MINDY2: variants seen among roughly 807,000 people sequenced by gnomAD.
MINDY2 encodes the protein ubiquitin carboxyl-terminal hydrolase MINDY-2.
A neutral mutation model predicts 68.2 loss-of-function variants in MINDY2; 52 were observed. That is an observed-to-expected ratio of 0.76 (90% confidence interval 0.61 to 0.96). The LOEUF (loss-of-function observed/expected upper bound fraction) is 0.96. Ranked by LOEUF, MINDY2 falls within the 40% of genes least tolerant of loss-of-function variation. The pLI, the probability that MINDY2 is intolerant of heterozygous loss-of-function variation, is 0.00. For missense variants in MINDY2, 881 were observed against 773.4 expected (o/e 1.14, Z -1.65); for synonymous variants, 372 against 303.0 (o/e 1.23, Z -2.36).
At chr15:58,787,885 A>G in intron 1 of MINDY2, 21 bp from the exon 2 acceptor site, 1 of 1,539,690 alleles carries the variant, frequency 6.5e-7, no homozygotes, top group Non-Finnish European at 8.8e-7. Flanking sequence ...AATTTTATAG[A>G]AATAATATTT....
chr15:58,787,312 T>C (rs999537231), intron 1 of MINDY2, among the ~76,000 whole-genome samples: 2 of 152,018 alleles, frequency 1.3e-5, no homozygotes, highest in African/African-American at 2.4e-5. Context: ...TACTTCTTAA[T>C]AGTTTTATCT....
intron 2 of MINDY2, 49 bp from the exon 3 acceptor site, chr15:58,802,264 A>T: frequency 7.9e-7 from 1 of 1,259,530 alleles, no homozygotes; most frequent in East Asian, 2.4e-5. Context: ...GTAATCAGAA[A>T]AACAAGTTTT....
chr15:58,787,980 G>A lies in MINDY2; in HGVS notation c.898+17G>A. On this transcript the variant is annotated intron_variant, in intron 2 of 8. Coordinates refer to ENST00000559228, the MANE Select transcript of MINDY2 (RefSeq NM_001040450.3). ...AATATTTAGGTTAGTGTTGAAAAGT[G>A]GATTTTATATCTCTTTCAAAACAAA... 5.8e-6 allele frequency: 9 copies of A among 1,551,878 alleles called. No individual in the cohort carries two copies. The highest frequency in any genetic ancestry group is 7.8e-6 in the Non-Finnish European group (9 of 1,147,820).
intron 3 of MINDY2, among the ~76,000 whole-genome samples, chr15:58,806,420 C>G (rs1428573689): frequency 1.4e-5 from 2 of 145,314 alleles, no homozygotes; most frequent in Non-Finnish European, 3.0e-5. Context: ...TGCCGTGGTG[C>G]TATCGTGGCT....
chr15:58,813,131 T>G (rs2030414669), intron 4 of MINDY2, among the ~76,000 whole-genome samples: 1 of 152,240 alleles, frequency 6.6e-6, no homozygotes, highest in African/African-American at 2.4e-5. Context: ...ATCAGTAGTT[T>G]GCTCCTGTTC....
At chr15:58,794,885 T>C (rs1017131367) in intron 2 of MINDY2, among the ~76,000 whole-genome samples, 1 of 152,032 alleles carries the variant, frequency 6.6e-6, no homozygotes, top group Non-Finnish European at 1.5e-5. Flanking sequence ...ATAAAAATGG[T>C]ATTTAAATCT....
At position 58,858,586 on chromosome 15, in the gene MINDY2, G is replaced by A. The variant is rs1179456520; in HGVS notation, c.*3976G>A. ...TCTAAAATCTTGGAGAAAAATCAAG[G>A]CAAGAATTTCCAGAACTGTCCTCAA... is the stretch of plus-strand genomic sequence containing the variant. On this transcript the variant is annotated 3_prime_UTR_variant, in exon 9 of 9. Transcript: ENST00000559228. 2 of 152,062 alleles carry A rather than the reference G, an allele frequency of 1.3e-5. No individual in the cohort carries two copies. Among genetic ancestry groups the A allele is most frequent in the African/African-American group, 4.8e-5 (2 of 41,422 alleles). The allele number at this position is 152,062 out of a possible 1,614,324, so 9.4% of individuals were successfully genotyped here.
chr15:58,849,059 G>T (rs2032683363), intron 7 of MINDY2, among the ~76,000 whole-genome samples: 1 of 151,828 alleles, frequency 6.6e-6, no homozygotes, highest in Non-Finnish European at 1.5e-5. Context: ...AACATACAAA[G>T]ATTAGCCAGG....
chr15:58,845,374 C>G (rs1262344408), intron 6 of MINDY2, among the ~76,000 whole-genome samples: 1 of 152,152 alleles, frequency 6.6e-6, no homozygotes, highest in African/African-American at 2.4e-5. Context: ...CCACTGAACT[C>G]CAGCCTGGGC....
rs1467656858 is a variant in MINDY2 at position 58,857,449 on chromosome 15, G to T, written c.*2839G>T. Reference sequence around the variant, plus strand: ...CTTGGGAGGCTGAGGCAGGAGAATCGCTTGAACCCAGGAGGCAGTGATTGC... The same window carrying T: ...CTTGGGAGGCTGAGGCAGGAGAATCTCTTGAACCCAGGAGGCAGTGATTGC... On this transcript the variant is annotated 3_prime_UTR_variant, in exon 9 of 9. Transcript: ENST00000559228. 2 of 144,082 alleles carry T rather than the reference G, an allele frequency of 1.4e-5. No homozygotes were observed. The highest frequency in any genetic ancestry group is 3.0e-5 in the Non-Finnish European group (2 of 66,940). The allele number at this position is 144,082 out of a possible 1,614,324, so 8.9% of individuals were successfully genotyped here.
At chr15:58,792,804 A>G (rs966208796) in intron 2 of MINDY2, among the ~76,000 whole-genome samples, 14 of 152,220 alleles carry the variant, frequency 9.2e-5, no homozygotes, top group African/African-American at 3.4e-4. Flanking sequence ...TGAAAGAGGC[A>G]AAGTACAAAA....
chr15:58,797,229 A>G (rs970190759), intron 2 of MINDY2, among the ~76,000 whole-genome samples: 1 of 152,200 alleles, frequency 6.6e-6, no homozygotes, highest in East Asian at 1.9e-4. Flanking sequence ...TAATTTTGCC[A>G]GGTGTGATGG....
chr15:58,778,538 CA>C (rs1343168186), intron 1 of MINDY2, among the ~76,000 whole-genome samples: 58 of 140,590 alleles, frequency 4.1e-4, no homozygotes, highest in Non-Finnish European at 3.9e-4. Context: ...AGACACACAC[CA>C]AAAAAAAAAA....
rs895777686 is a variant in MINDY2, at chr15:58,851,157, A to G, written c.1543-614A>G. ...CCTGGCTAATTTTTGTGTTTTTAAT[A>G]GAGACGGGGTTGTACCATGTTGGCC... On this transcript the variant is annotated intron_variant, in intron 7 of 8. Coordinates refer to ENST00000559228, the MANE Select transcript of MINDY2 (RefSeq NM_001040450.3). Among the ~76,000 whole-genome samples, 3 of 150,690 alleles carry G rather than the reference A, an allele frequency of 2.0e-5. No individual in the cohort carries two copies. In the East Asian group the frequency reaches 6.0e-4, roughly 30 times the overall value.
At position 58,790,591 on chromosome 15, in the gene MINDY2, G is replaced by GGA. The variant is rs1567043337; in HGVS notation, c.898+2629_898+2630insAG. Reference sequence around the variant, plus strand: ...TTATGTTGACAATAGACCTTAGTGGGGGGTAAGACAAGTGGGAAAACTATT... The same window carrying GGA: ...TTATGTTGACAATAGACCTTAGTGGGGAGGGTAAGACAAGTGGGAAAACTATT... On this transcript the variant is annotated intron_variant, in intron 2 of 8. Coordinates refer to ENST00000559228, the MANE Select transcript of MINDY2 (RefSeq NM_001040450.3). Among the ~76,000 whole-genome samples the GGA allele has an allele frequency of 5.9e-5, 9 of 152,096 alleles. No homozygotes were observed. In the East Asian group the frequency reaches 1.5e-3, roughly 26 times the overall value.
At chr15:58,775,137 A>G (rs915426349) in intron 1 of MINDY2, among the ~76,000 whole-genome samples, 24 of 152,168 alleles carry the variant, frequency 1.6e-4, no homozygotes, top group Admixed American at 1.3e-3. Context: ...GTGTCCGTGG[A>G]GTTTTTCAGG....
chr15:58,847,524 G>A (rs77976434), intron 7 of MINDY2, 54 bp downstream of exon 7: 1 of 1,414,354 alleles, frequency 7.1e-7, no homozygotes, highest in Non-Finnish European at 9.4e-7. Flanking sequence ...TTTTTCAAAT[G>A]TGAATTCATG....
At chr15:58,802,143 G>T (rs1406134071) in intron 2 of MINDY2, among the ~76,000 whole-genome samples, 170 bp from the exon 3 acceptor site, 2 of 152,230 alleles carry the variant, frequency 1.3e-5, no homozygotes, top group South Asian at 4.1e-4. Context: ...AATATTTGAC[G>T]TGATAGGAAA....
chr15:58,847,246 C>G, intron 6 of MINDY2, 51 bp from the exon 7 acceptor site: 1 of 1,369,806 alleles, frequency 7.3e-7, no homozygotes, highest in Non-Finnish European at 9.9e-7. Flanking sequence ...TATTATATTA[C>G]TAGTTTTGAT....
Sources: gnomAD v4.1 joint callset for allele counts (sites outside exome capture counted in the v4.1 genomes callset) on GRCh38, gnomAD v4.1.1 for gene constraint, MANE v1.5 for transcripts, NCBI Gene and HGNC (gene_info 2026-07-23, HGNC 2026-07-21) for gene names.